ACTR3: variants seen among roughly 807,000 people sequenced by gnomAD.
ACTR3 encodes actin related protein 3, also known as actin-related protein 3.
A neutral mutation model predicts 56.8 loss-of-function variants in ACTR3; 12 were observed. That is an observed-to-expected ratio of 0.21 (90% CI 0.14 to 0.34). The LOEUF (loss-of-function observed/expected upper bound fraction) is 0.34. Ranked by LOEUF, ACTR3 falls within the 10% of genes least tolerant of loss-of-function variation. The pLI is 1.00. For missense variants in ACTR3, 282 were observed against 512.5 expected, an observed-to-expected ratio of 0.55 and a Z score of 4.34; for synonymous variants, 162 against 167.4, an observed-to-expected ratio of 0.97 and a Z score of 0.25.
At chr2:113,946,245 C>T (rs971632241) in intron 8 of ACTR3, among the ~76,000 whole-genome samples, 1 of 152,146 alleles carries the variant, frequency 6.6e-6, no homozygotes, top group Non-Finnish European at 1.5e-5. Context: ...ACCTAATATA[C>T]ACCAAGAGAG....
Position 113,942,355 on chromosome 2 carries a change from C to T in ACTR3, c.854C>T (p.Pro285Leu). ...TTGGGACCTGAAATCTTTTTTCATC[C>T]AGAGGTAATTTTTTTTAACGGAATT... ...RFLGPEIFFHPEFANPDFTQP... is the reference protein window; with the variant it reads ...RFLGPEIFFHLEFANPDFTQP... Residue 285 changes from proline (P) to leucine (L), a missense_variant, in exon 8 of 12, where the codon CCA becomes CTA. By Grantham distance (98) the Pro-to-Leu change is moderately conservative (BLOSUM62 -3). Coordinates refer to ENST00000263238, the MANE Select transcript of ACTR3 (RefSeq NM_005721.5). 6.4e-7 allele frequency: 1 copy of T among 1,564,354 alleles called. No individual in the cohort carries two copies. Among genetic ancestry groups the T allele is most frequent in the Non-Finnish European group, 8.6e-7 (1 of 1,160,520 alleles).
chr2:113,920,273 G>T (rs966026114), intron 3 of ACTR3, among the ~76,000 whole-genome samples: 17 of 152,044 alleles, frequency 1.1e-4, no homozygotes, highest in African/African-American at 4.1e-4. Flanking sequence ...GCCCATGCTC[G>T]TCTCAAACTC....
At chr2:113,929,525 C>T (rs1007408662) in intron 4 of ACTR3, among the ~76,000 whole-genome samples, 2 of 152,096 alleles carry the variant, frequency 1.3e-5, no homozygotes, top group African/African-American at 4.8e-5. Context: ...TGTCTAAATA[C>T]GTAAGTATGG....
At chr2:113,914,607 T>A (rs1033859208) in intron 2 of ACTR3, among the ~76,000 whole-genome samples, 1 of 103,682 alleles carries the variant, frequency 9.6e-6, no homozygotes, top group Admixed American at 1.2e-4. Flanking sequence ...AGAGCAAGAC[T>A]CAGTCTCAAA....
intron 4 of ACTR3, among the ~76,000 whole-genome samples, chr2:113,930,862 C>T (rs1679708689): frequency 6.6e-6 from 1 of 152,118 alleles, no homozygotes; most frequent in African/African-American, 2.4e-5. Flanking sequence ...TACTGTAATC[C>T]TATATACTTC....
chr2:113,908,516 T>C (rs1201200367), intron 1 of ACTR3, among the ~76,000 whole-genome samples: 2 of 151,766 alleles, frequency 1.3e-5, no homozygotes, highest in Non-Finnish European at 2.9e-5. Flanking sequence ...AATAACAATT[T>C]TCAAACCTCT....
intron 2 of ACTR3, among the ~76,000 whole-genome samples, chr2:113,915,551 T>C (rs1679389520): frequency 6.6e-6 from 1 of 152,234 alleles, no homozygotes; most frequent in Non-Finnish European, 1.5e-5. Flanking sequence ...TGCTGATGAC[T>C]TTTAATCTTT....
chr2:113,934,327 C>T lies in ACTR3; in HGVS notation c.481C>T (p.Arg161Trp). 1 of 1,607,532 alleles carries T rather than the reference C, an allele frequency of 6.2e-7. No individual in the cohort carries two copies. Among genetic ancestry groups the T allele is most frequent in the Non-Finnish European group, 8.5e-7 (1 of 1,177,894 alleles). The change falls in exon 6 of 12, where the codon CGG becomes TGG. Residue 161 changes from arginine (R) to tryptophan (W), a missense_variant. Transcript: ENST00000263238. ...TTGGACCTCAAGACAAGTAGGAGAACGGACGTTGACCGGTACGGTAATAGA... is the reference window on the plus strand; with the variant it reads ...TTGGACCTCAAGACAAGTAGGAGAATGGACGTTGACCGGTACGGTAATAGA... ...ASWTSRQVGE[R>W]TLTGTVIDSG...
intron 8 of ACTR3, among the ~76,000 whole-genome samples, chr2:113,944,167 A>G (rs563872451): frequency 9.8e-5 from 15 of 152,288 alleles, no homozygotes; most frequent in African/African-American, 2.9e-4. Context: ...AGGCGTTTCA[A>G]TGGAGTGATA....
chr2:113,895,759 C>G (rs1678995119), intron 1 of ACTR3, among the ~76,000 whole-genome samples: 1 of 152,172 alleles, frequency 6.6e-6, no homozygotes, highest in Admixed American at 6.5e-5. Context: ...TTGTTGAGTT[C>G]AAGCTCTATC....
chr2:113,892,286 C>T (rs1237717381), intron 1 of ACTR3, among the ~76,000 whole-genome samples: 3 of 152,194 alleles, frequency 2.0e-5, no homozygotes. Context: ...TTCAATTTAA[C>T]CTAGGCTATT....
At chr2:113,910,112 G>GA (rs1679279542) in intron 1 of ACTR3, among the ~76,000 whole-genome samples, 1 of 152,128 alleles carries the variant, frequency 6.6e-6, no homozygotes, top group Non-Finnish European at 1.5e-5. Flanking sequence ...CTGGTCACTT[G>GA]AAAGACCAAG....
intron 1 of ACTR3, among the ~76,000 whole-genome samples, chr2:113,901,493 G>T (rs1679098592): frequency 6.6e-6 from 1 of 152,074 alleles, no homozygotes; most frequent in Admixed American, 6.5e-5. Context: ...TTTTCATTTG[G>T]GATTTATTTG....
At chr2:113,952,393 A>G (rs1043543837) in intron 10 of ACTR3, 4 of 152,212 alleles carry the variant, frequency 2.6e-5, no homozygotes, top group South Asian at 2.1e-4. Context: ...TCTACTTTCT[A>G]TATTTAGAGA....
At chr2:113,934,629 TATATTA>T in intron 6 of ACTR3, 1 of 277,610 alleles carries the variant, frequency 3.6e-6, no homozygotes, top group South Asian at 7.6e-5. Flanking sequence ...GGAATGGAAG[TATATTA>T]ATGGCTTTCA....
At chr2:113,900,226 A>G (rs528631681) in intron 1 of ACTR3, among the ~76,000 whole-genome samples, 77 of 152,228 alleles carry the variant, frequency 5.1e-4, no homozygotes, top group East Asian at 4.2e-3. Flanking sequence ...TTGGAATCCA[A>G]TCAATTTTAG....
At chr2:113,914,583 G>T (rs1326383974) in intron 2 of ACTR3, among the ~76,000 whole-genome samples, 1 of 145,044 alleles carries the variant, frequency 6.9e-6, no homozygotes, top group Admixed American at 6.9e-5. Flanking sequence ...TGCATTCCAG[G>T]CCTGGGGGGT....
chr2:113,909,055 CT>C (rs1223155908), intron 1 of ACTR3, among the ~76,000 whole-genome samples: 1 of 152,092 alleles, frequency 6.6e-6, no homozygotes, highest in Non-Finnish European at 1.5e-5. Flanking sequence ...TGTAGACAGA[CT>C]TTACATGATT....
In ACTR3 at chr2:113,955,609, A is replaced by G. The variant is rs184764620; in HGVS notation, c.1078-14A>G. On this transcript the variant is annotated splice_polypyrimidine_tract_variant and intron_variant, in intron 10 of 11. Coordinates refer to ENST00000263238, the MANE Select transcript of ACTR3 (RefSeq NM_005721.5). ...AATTTACTATGAAGATGATCATACT[A>G]TGTCTTTCTTTAGCCAAAACCTATT... The G allele has an allele frequency of 3.0e-5, 48 of 1,579,570 alleles. No homozygotes were observed. The Admixed American group carries it at 4.4e-4, about 14-fold the overall frequency.
Sources: allele counts gnomAD v4.1 joint callset (sites outside exome capture counted in the v4.1 genomes callset), GRCh38; gene constraint gnomAD v4.1.1; transcripts MANE v1.5; gene names NCBI Gene and HGNC (gene_info 2026-07-23, HGNC 2026-07-21).